SLC8A1: variants seen among roughly 807,000 people sequenced by gnomAD.
SLC8A1 encodes the protein solute carrier family 8 member A1.
Under a neutral mutation model 68.3 loss-of-function variants are expected in SLC8A1, and 18 were observed. The observed-to-expected ratio is 0.26, with a 90% CI of 0.18 to 0.39. The LOEUF (loss-of-function observed/expected upper bound fraction) is 0.39. SLC8A1 is among the 10% of genes least tolerant of loss of function. The pLI is 1.00. For missense variants in SLC8A1, 985 were observed against 1,156.7 expected (o/e 0.85, Z 2.15); for synonymous variants, 475 against 415.5 (o/e 1.14, Z -1.74).
chr2:40,231,974 A>T (rs1430109605), intron 2 of SLC8A1, among the ~76,000 whole-genome samples: 1 of 152,148 alleles, frequency 6.6e-6, no homozygotes, highest in East Asian at 1.9e-4. Flanking sequence ...GCAAATAGGA[A>T]TAAGATACAG....
chr2:40,354,412 T>A (rs1169514714), intron 2 of SLC8A1, among the ~76,000 whole-genome samples: 1 of 152,180 alleles, frequency 6.6e-6, no homozygotes, highest in Non-Finnish European at 1.5e-5. Flanking sequence ...AGCCCACCCA[T>A]CTGCTGACCT....
chr2:40,491,129 A>G (rs1003318786), intron 1 of SLC8A1, among the ~76,000 whole-genome samples: 1 of 152,234 alleles, frequency 6.6e-6, no homozygotes. Context: ...TTAGGAAGTC[A>G]TCTAATTCAA....
intron 1 of SLC8A1, among the ~76,000 whole-genome samples, chr2:40,431,203 G>T (rs925735419): frequency 2.0e-5 from 3 of 151,760 alleles, no homozygotes; most frequent in African/African-American, 4.8e-5. Context: ...GTGGGTAAGC[G>T]CCTGGCAGGC....
intron 2 of SLC8A1, among the ~76,000 whole-genome samples, chr2:40,292,933 C>G (rs2069606426): frequency 6.6e-6 from 1 of 152,132 alleles, no homozygotes; most frequent in East Asian, 1.9e-4. Flanking sequence ...TCTCAACTGC[C>G]TTTGAGAAAC....
chr2:40,343,765 G>T (rs1394759346), intron 2 of SLC8A1, among the ~76,000 whole-genome samples: 1 of 152,160 alleles, frequency 6.6e-6, no homozygotes, highest in African/African-American at 2.4e-5. Flanking sequence ...AATATAGTTT[G>T]AAAATTACAT....
At chr2:40,202,063 C>G (rs887983398) in intron 2 of SLC8A1, among the ~76,000 whole-genome samples, 7 of 151,902 alleles carry the variant, frequency 4.6e-5, no homozygotes, top group African/African-American at 1.7e-4. Flanking sequence ...CACCCTAGAC[C>G]TTTTTTGCTA....
At chr2:40,249,544 G>GTGTT (rs2062410841) in intron 2 of SLC8A1, among the ~76,000 whole-genome samples, 1 of 152,188 alleles carries the variant, frequency 6.6e-6, no homozygotes, top group African/African-American at 2.4e-5. Flanking sequence ...GGGAGAGGAG[G>GTGTT]TGTTTCTCTT....
At chr2:40,401,267 T>G (rs981324283) in intron 2 of SLC8A1, among the ~76,000 whole-genome samples, 2 of 152,212 alleles carry the variant, frequency 1.3e-5, no homozygotes, top group Non-Finnish European at 2.9e-5. Context: ...GAAACTGTAC[T>G]TGTACCATTC....
chr2:40,207,100 G>A (rs2055599470), intron 2 of SLC8A1, among the ~76,000 whole-genome samples: 1 of 151,984 alleles, frequency 6.6e-6, no homozygotes, highest in South Asian at 2.1e-4. Context: ...AAATTTGTAC[G>A]TGGTAAGAAA....
At chr2:40,313,220 C>T (rs2073977342) in intron 2 of SLC8A1, among the ~76,000 whole-genome samples, 1 of 151,994 alleles carries the variant, frequency 6.6e-6, no homozygotes, top group Non-Finnish European at 1.5e-5. Context: ...GAGAGTCAGG[C>T]TTTCACTCAG....
At chr2:40,439,476 T>C (rs1324375580) in intron 1 of SLC8A1, among the ~76,000 whole-genome samples, 1 of 152,158 alleles carries the variant, frequency 6.6e-6, no homozygotes, top group Non-Finnish European at 1.5e-5. Flanking sequence ...AACGAATCCC[T>C]GTGGTCACTC....
chr2:40,265,962 C>A (rs1032701939), intron 2 of SLC8A1, among the ~76,000 whole-genome samples: 1 of 152,100 alleles, frequency 6.6e-6, no homozygotes, highest in African/African-American at 2.4e-5. Context: ...CAGTTTGACC[C>A]ACTTAACATA....
intron 2 of SLC8A1, among the ~76,000 whole-genome samples, chr2:40,317,646 T>G (rs2074648529): frequency 1.3e-5 from 2 of 152,102 alleles, no homozygotes; most frequent in Non-Finnish European, 2.9e-5. Context: ...GTGCTTTTTT[T>G]TAAAGATAAA....
chr2:40,325,233 G>A (rs753084877), intron 2 of SLC8A1, among the ~76,000 whole-genome samples: 2 of 152,128 alleles, frequency 1.3e-5, no homozygotes, highest in African/African-American at 4.8e-5. Context: ...CAATGATGTA[G>A]AAAGAGCATA....
intron 6 of SLC8A1, among the ~76,000 whole-genome samples, chr2:40,156,458 A>G (rs1351456854): frequency 6.6e-6 from 1 of 151,086 alleles, no homozygotes; most frequent in African/African-American, 2.4e-5. Context: ...AAAGTAAAAC[A>G]ATTTCAGGAA....
intron 1 of SLC8A1, among the ~76,000 whole-genome samples, chr2:40,492,684 G>A (rs1295210555): frequency 6.7e-6 from 1 of 149,058 alleles, no homozygotes; most frequent in Non-Finnish European, 1.5e-5. Context: ...AGTGGGCAAA[G>A]GACATGAACA....
At chr2:40,238,444 A>G (rs909784702) in intron 2 of SLC8A1, among the ~76,000 whole-genome samples, 14 of 564 alleles carry the variant, frequency 0.025, no homozygotes, top group Non-Finnish European at 0.05. Flanking sequence ...AAGTGAGGCA[A>G]TGCTCGCCCT....
chr2:40,438,609 A>C (rs1699904134), intron 1 of SLC8A1, among the ~76,000 whole-genome samples: 1 of 152,172 alleles, frequency 6.6e-6, no homozygotes, highest in African/African-American at 2.4e-5. Context: ...AAAATGTCAT[A>C]AAAGGAAGGG....
In SLC8A1 at chr2:40,325,419, G is replaced by A. The variant is rs2075701018; in HGVS notation, c.1808+103054C>T. On this transcript the variant is annotated intron_variant, in intron 2 of 7. Transcript: ENST00000406785. ...GGAGCAGATAAATAACTGGGCTAAT[G>A]ATATCCCTGAGAAAGGCTAGGCATA... 3.3e-5 allele frequency among the ~76,000 whole-genome samples: 5 copies of A among 152,274 alleles called. No homozygotes were observed. The South Asian group carries it at 1.0e-3, about 32-fold the overall frequency.
Sources: allele counts gnomAD v4.1 joint callset (sites outside exome capture counted in the v4.1 genomes callset), GRCh38; gene constraint gnomAD v4.1.1; transcripts MANE v1.5; gene names NCBI Gene and HGNC (gene_info 2026-07-23, HGNC 2026-07-21).